MPZL1: variants seen among roughly 807,000 people sequenced by gnomAD.
MPZL1 encodes myelin protein zero like 1.
In MPZL1, 16 loss-of-function variants were observed where a neutral mutation model predicts 29.3. That is an observed-to-expected ratio of 0.55 (90% CI 0.37 to 0.83). The LOEUF (loss-of-function observed/expected upper bound fraction) is 0.83. Ranked by LOEUF, MPZL1 falls within the 40% of genes least tolerant of loss-of-function variation. The pLI, the probability that MPZL1 is intolerant of heterozygous loss-of-function variation, is 0.00. For synonymous variants in MPZL1, 143 were observed against 132.0 expected (o/e 1.08, Z -0.57); for missense variants, 279 against 332.9 (o/e 0.84, Z 1.26).
chr1:167,784,605 C>T (rs144664339), intron 5 of MPZL1, among the ~76,000 whole-genome samples: 2 of 152,268 alleles, frequency 1.3e-5, no homozygotes, highest in African/African-American at 4.8e-5. Flanking sequence ...CTCCTTCCAC[C>T]TCTAAATAGC....
chr1:167,739,126 A>G (rs1217955744), intron 1 of MPZL1, among the ~76,000 whole-genome samples: 7 of 151,504 alleles, frequency 4.6e-5, no homozygotes, highest in African/African-American at 7.3e-5. Context: ...GTTTTTTGGT[A>G]GAGACAGGGT....
intron 5 of MPZL1, among the ~76,000 whole-genome samples, chr1:167,776,407 G>C (rs1376940015): frequency 1.3e-5 from 2 of 152,142 alleles, no homozygotes; most frequent in Non-Finnish European, 2.9e-5. Flanking sequence ...AACATAAATT[G>C]TTTACTAACC....
At chr1:167,764,684 GAAAT>G (rs1661075076) in intron 1 of MPZL1, among the ~76,000 whole-genome samples, 2 of 152,090 alleles carry the variant, frequency 1.3e-5, no homozygotes. Flanking sequence ...ACTACTTAAA[GAAAT>G]AAAAATATGC....
At chr1:167,768,470 A>G (rs1399814518) in intron 2 of MPZL1, among the ~76,000 whole-genome samples, 1 of 151,644 alleles carries the variant, frequency 6.6e-6, no homozygotes. Context: ...CCTTAATATG[A>G]CAGTTTTCCT....
intron 2 of MPZL1, among the ~76,000 whole-genome samples, chr1:167,768,898 A>C (rs555717852): frequency 3.3e-5 from 5 of 152,384 alleles, no homozygotes; most frequent in Admixed American, 2.6e-4. Context: ...GGCAGAGAGC[A>C]GGTGATGGAA....
rs764724307 is a variant in MPZL1, at chr1:167,790,866, T to C, written c.*2945T>C. On this transcript the variant is annotated 3_prime_UTR_variant, in exon 6 of 6. Transcript: ENST00000359523. The stretch of plus-strand genomic sequence containing the variant: ...TTTGACCAGAATAGAAAAAGAGATA[T>C]GCCTTTCACTCATATCATTCCAGCT... The C allele has an allele frequency of 1.3e-5, 2 of 152,236 alleles. No homozygotes were observed. Among genetic ancestry groups the C allele is most frequent in the South Asian group, 2.1e-4 (1 of 4,834 alleles). 9.4% of individuals were successfully genotyped at this position (152,236 alleles called of 1,614,324 possible). A position where few individuals can be genotyped will look rare whatever the true frequency, so the allele number is the denominator to read the frequency against.
In MPZL1 at chr1:167,772,621, C is replaced by G. The variant is rs1218899389; in HGVS notation, c.472+133C>G. 8.1e-6 allele frequency: 6 copies of G among 744,102 alleles called. No homozygotes were observed. In the Admixed American group the frequency reaches 1.5e-4, roughly 18 times the overall value. 46.1% of individuals were successfully genotyped at this position (744,102 alleles called of 1,614,324 possible). On this transcript the variant is annotated intron_variant, in intron 3 of 5. Transcript: ENST00000359523. ...CATACAGTTGTGCTCCCTGTTGCCA[C>G]GAACCTGTGGCTCTACCAAACACAC... is the stretch of plus-strand genomic sequence containing the variant.
At position 167,776,962 on chromosome 1, in the gene MPZL1, T is replaced by C. The variant is rs144214665; in HGVS notation, c.708+796T>C. ...AAGTACCCATAGTCTTATTCCATAG[T>C]TGTTATATGTGGTGAGGAAACTAAG... On this transcript the variant is annotated intron_variant, in intron 5 of 5. Coordinates refer to ENST00000359523, the MANE Select transcript of MPZL1 (RefSeq NM_003953.6). Among the ~76,000 whole-genome samples, 57 of 152,284 alleles carry C rather than the reference T, an allele frequency of 3.7e-4. 1 individual carries two copies. In the East Asian group the frequency reaches 8.1e-3, roughly 22 times the overall value.
intron 2 of MPZL1, among the ~76,000 whole-genome samples, chr1:167,769,462 A>C (rs1319503205): frequency 6.6e-6 from 1 of 152,200 alleles, no homozygotes; most frequent in Non-Finnish European, 1.5e-5. Flanking sequence ...CTCTGCCTGC[A>C]CAACATCCAT....
chr1:167,760,228 A>G (rs562337867), intron 1 of MPZL1, among the ~76,000 whole-genome samples: 1 of 152,206 alleles, frequency 6.6e-6, no homozygotes, highest in East Asian at 1.9e-4. Flanking sequence ...TTTGAGACAG[A>G]GTCTCGCTCT....
chr1:167,782,394 A>G (rs1661515838), intron 5 of MPZL1, among the ~76,000 whole-genome samples: 1 of 151,956 alleles, frequency 6.6e-6, no homozygotes, highest in Non-Finnish European at 1.5e-5. Flanking sequence ...AATGGTGGCT[A>G]TTTTCTCATC....
chr1:167,776,218 C>T (rs764351734), intron 5 of MPZL1, 52 bp downstream of exon 5: 2 of 1,321,502 alleles, frequency 1.5e-6, no homozygotes, highest in Non-Finnish European at 2.2e-6. Context: ...CAGCTTGGTG[C>T]TCTGTCACTT....
At chr1:167,783,702 C>T (rs1376902229) in intron 5 of MPZL1, among the ~76,000 whole-genome samples, 1 of 152,158 alleles carries the variant, frequency 6.6e-6, no homozygotes, top group East Asian at 1.9e-4. Context: ...GTGGCTGAGC[C>T]AGATCTGTCT....
intron 1 of MPZL1, among the ~76,000 whole-genome samples, chr1:167,757,365 T>C (rs1660889876): frequency 6.6e-6 from 1 of 152,248 alleles, no homozygotes; most frequent in Non-Finnish European, 1.5e-5. Context: ...AGTAAATCTT[T>C]TATTGCTTTA....
At chr1:167,740,066 A>G (rs1326537030) in intron 1 of MPZL1, among the ~76,000 whole-genome samples, 3 of 152,088 alleles carry the variant, frequency 2.0e-5, no homozygotes, top group Admixed American at 1.3e-4. Flanking sequence ...CTGTGCCATC[A>G]TTGCACTTAC....
chr1:167,724,764 G>A, intron 1 of MPZL1, among the ~76,000 whole-genome samples: 1 of 152,304 alleles, frequency 6.6e-6, no homozygotes, highest in South Asian at 2.1e-4. Flanking sequence ...AGTTCTGGAG[G>A]TGAGGAGAAA....
chr1:167,746,095 T>A (rs1011384822), intron 1 of MPZL1, among the ~76,000 whole-genome samples: 31 of 151,960 alleles, frequency 2.0e-4, no homozygotes, highest in Non-Finnish European at 4.4e-5. Flanking sequence ...TCAGAAAAAA[T>A]ACCTATGATT....
At chr1:167,781,305 T>A (rs1419040139) in intron 5 of MPZL1, among the ~76,000 whole-genome samples, 1 of 152,170 alleles carries the variant, frequency 6.6e-6, no homozygotes, top group Admixed American at 6.5e-5. Context: ...TTCTTACTCT[T>A]TTTAAGTACA....
chr1:167,754,440 A>G (rs964866326), intron 1 of MPZL1, among the ~76,000 whole-genome samples: 4 of 152,236 alleles, frequency 2.6e-5, no homozygotes, highest in Non-Finnish European at 5.9e-5. Flanking sequence ...TTTGGACACC[A>G]ATGTCCTGTT....
Sources: gnomAD v4.1 joint callset for allele counts (sites outside exome capture counted in the v4.1 genomes callset) on GRCh38, gnomAD v4.1.1 for gene constraint, MANE v1.5 for transcripts, NCBI Gene and HGNC (gene_info 2026-07-23, HGNC 2026-07-21) for gene names.